ADGRL2: variants seen among roughly 807,000 people sequenced by gnomAD.
The protein encoded by ADGRL2 is calcium-independent alpha-latrotoxin receptor 2.
In ADGRL2, 44 loss-of-function variants were observed where a neutral mutation model predicts 157.4. The ratio of observed to expected loss-of-function variants is 0.28; its 90% CI spans 0.22 to 0.36. ADGRL2 has a LOEUF of 0.36. Among genes scored for constraint, ADGRL2 ranks in the 10% least tolerant of loss-of-function variants. ADGRL2 has a pLI of 1.00. For missense variants in ADGRL2, 1,510 were observed against 1,768.9 expected (o/e 0.85, Z 2.63); for synonymous variants, 585 against 624.7 (o/e 0.94, Z 0.95).
intron 3 of ADGRL2, among the ~76,000 whole-genome samples, chr1:81,640,936 T>C (rs901996333): frequency 6.6e-6 from 1 of 152,348 alleles, no homozygotes; most frequent in Admixed American, 6.5e-5. Flanking sequence ...TGATGTTAAC[T>C]AATTAGTTAT....
At chr1:81,608,261 C>T (rs1313851994) in intron 3 of ADGRL2, among the ~76,000 whole-genome samples, 3 of 152,132 alleles carry the variant, frequency 2.0e-5, no homozygotes, top group African/African-American at 7.2e-5. Flanking sequence ...GTAGAATCAG[C>T]CTGAGAGCTG....
intron 3 of ADGRL2, among the ~76,000 whole-genome samples, chr1:81,934,234 T>G (rs1044203997): frequency 6.6e-6 from 1 of 152,064 alleles, no homozygotes; most frequent in Non-Finnish European, 1.5e-5. Flanking sequence ...CTGTAATTGG[T>G]CAGAGGACTA....
Position 81,936,816 on chromosome 1 carries a change from C to G in ADGRL2, c.376C>G (p.Gln126Glu). 6.2e-7 allele frequency: 1 copy of G among 1,605,378 alleles called. No individual in the cohort carries two copies. Among genetic ancestry groups the G allele is most frequent in the Non-Finnish European group, 8.5e-7 (1 of 1,172,510 alleles). ...CPGTYKYLEV[Q>E]YECVPYMEQK... The stretch of plus-strand genomic sequence containing the variant: ...TGGAACATACAAATACCTTGAAGTC[C>G]AATATGAATGTGTCCCTTACAGTAA... The change falls in exon 4 of 24, where the codon CAA becomes GAA. Residue 126 changes from glutamine (Q) to glutamate (E), a missense_variant. By Grantham distance (29) the Gln-to-Glu change is conservative. This residue lies in a region of ADGRL2 where 361 missense variants were observed against 498.4 expected (regional missense o/e 0.72). Coordinates refer to ENST00000686636, the MANE Select transcript of ADGRL2 (RefSeq NM_001366006.2).
At chr1:81,534,566 T>G (rs1277316890) in intron 2 of ADGRL2, among the ~76,000 whole-genome samples, 1 of 152,232 alleles carries the variant, frequency 6.6e-6, no homozygotes, top group African/African-American at 2.4e-5. Flanking sequence ...ACAATAACTT[T>G]GAGCCAAGAC....
chr1:81,670,339 T>G (rs1344617999), intron 3 of ADGRL2, among the ~76,000 whole-genome samples: 1 of 152,192 alleles, frequency 6.6e-6, no homozygotes, highest in East Asian at 1.9e-4. Flanking sequence ...TGACTTACCT[T>G]GAGGACAAAT....
intron 2 of ADGRL2, among the ~76,000 whole-genome samples, chr1:81,540,086 A>G (rs2148317775): frequency 6.6e-6 from 1 of 152,284 alleles, no homozygotes; most frequent in South Asian, 2.1e-4. Flanking sequence ...TTTAACTTCT[A>G]CGATTGTTTC....
intron 2 of ADGRL2, among the ~76,000 whole-genome samples, chr1:81,497,549 T>C (rs751221406): frequency 1.3e-5 from 2 of 152,236 alleles, no homozygotes; most frequent in Non-Finnish European, 2.9e-5. Flanking sequence ...AGAATAGTTA[T>C]AGATTCTTAA....
At chr1:81,682,098 T>G (rs2148957439) in intron 3 of ADGRL2, among the ~76,000 whole-genome samples, 1 of 125,870 alleles carries the variant, frequency 7.9e-6, no homozygotes, top group South Asian at 2.8e-4. Context: ...TATATATACA[T>G]ATATATGTGT....
At chr1:81,723,602 G>A (rs942967519) in intron 1 of ADGRL2, among the ~76,000 whole-genome samples, 11 of 152,278 alleles carry the variant, frequency 7.2e-5, no homozygotes, top group African/African-American at 2.6e-4. Context: ...GATAAACATT[G>A]TATTGGATAT....
chr1:81,386,468 C>T (rs922025607), intron 1 of ADGRL2, among the ~76,000 whole-genome samples: 8 of 152,144 alleles, frequency 5.3e-5, no homozygotes, highest in African/African-American at 1.9e-4. Context: ...AACAGATGTG[C>T]ATCCAATACC....
chr1:81,813,187 T>G (rs2090046762), intron 1 of ADGRL2, among the ~76,000 whole-genome samples: 1 of 151,606 alleles, frequency 6.6e-6, no homozygotes, highest in Non-Finnish European at 1.5e-5. Flanking sequence ...TTTTCCATTT[T>G]GGTATAGTAA....
At chr1:81,402,412 G>A (rs1570862050) in intron 1 of ADGRL2, among the ~76,000 whole-genome samples, 1 of 152,142 alleles carries the variant, frequency 6.6e-6, no homozygotes, top group East Asian at 1.9e-4. Context: ...AGGGTCACTG[G>A]GTGATGATTC....
At chr1:81,870,843 T>C (rs1289375410) in intron 2 of ADGRL2, among the ~76,000 whole-genome samples, 1 of 152,118 alleles carries the variant, frequency 6.6e-6, no homozygotes, top group Non-Finnish European at 1.5e-5. Context: ...GTTGGTATTA[T>C]TTGTATAAAA....
At chr1:81,777,346 C>T (rs1473234495) in intron 2 of ADGRL2, among the ~76,000 whole-genome samples, 1 of 152,054 alleles carries the variant, frequency 6.6e-6, no homozygotes, top group African/African-American at 2.4e-5. Flanking sequence ...ATTTTTTCCC[C>T]CAGGAGTACT....
chr1:81,527,160 A>G (rs1189202147), intron 2 of ADGRL2, among the ~76,000 whole-genome samples: 1 of 152,236 alleles, frequency 6.6e-6, no homozygotes, highest in Non-Finnish European at 1.5e-5. Flanking sequence ...CCAATAAAAT[A>G]CCAACCTGGT....
intron 2 of ADGRL2, among the ~76,000 whole-genome samples, chr1:81,903,198 C>T (rs1039917351): frequency 3.9e-5 from 6 of 152,198 alleles, no homozygotes; most frequent in Non-Finnish European, 5.9e-5. Context: ...GTTCAGTGCT[C>T]TTTCCATGTG....
At chr1:81,506,077 A>G (rs1228155827) in intron 2 of ADGRL2, 1 of 164,580 alleles carries the variant, frequency 6.1e-6, no homozygotes, top group East Asian at 1.7e-4. Flanking sequence ...AGAGCAACCA[A>G]AACTGTGGTG....
intron 3 of ADGRL2, among the ~76,000 whole-genome samples, chr1:81,614,019 C>T (rs866926179): frequency 6.6e-6 from 1 of 152,080 alleles, no homozygotes; most frequent in Admixed American, 6.6e-5. Flanking sequence ...TTATTAAATG[C>T]GCTAAATAAA....
At chr1:81,934,882 T>C (rs1034077938) in intron 3 of ADGRL2, among the ~76,000 whole-genome samples, 2 of 151,916 alleles carry the variant, frequency 1.3e-5, no homozygotes, top group African/African-American at 4.8e-5. Flanking sequence ...TAGGTATGAA[T>C]AAATACAAAG....
Sources: allele counts gnomAD v4.1 joint callset (sites outside exome capture counted in the v4.1 genomes callset), GRCh38; gene constraint gnomAD v4.1.1; regional missense constraint gnomAD v4.1.1; transcripts MANE v1.5; gene names NCBI Gene and HGNC (gene_info 2026-07-23, HGNC 2026-07-21).